ZNF407: variants seen among roughly 807,000 people sequenced by gnomAD.
ZNF407 encodes zinc finger protein 407.
In ZNF407, 17 loss-of-function variants were observed where a neutral mutation model predicts 131.2. The observed-to-expected ratio is 0.13, with a 90% CI of 0.09 to 0.19. ZNF407 has a LOEUF of 0.19. Ranked by LOEUF, ZNF407 falls within the 10% of genes least tolerant of loss-of-function variation. The pLI is 1.00. For synonymous variants in ZNF407, 1,156 were observed against 1,062.0 expected, an observed-to-expected ratio of 1.09 and a Z score of -1.72; for missense variants, 2,681 against 2,830.6, an observed-to-expected ratio of 0.95 and a Z score of 1.20.
chr18:74,685,912 A>G (rs1967086950), intron 3 of ZNF407, among the ~76,000 whole-genome samples: 1 of 152,026 alleles, frequency 6.6e-6, no homozygotes, highest in African/African-American at 2.4e-5. Context: ...TATTGTTTGT[A>G]TTTTTTGTTA....
chr18:74,976,724 A>G (rs1280163782), intron 8 of ZNF407, among the ~76,000 whole-genome samples: 1 of 152,216 alleles, frequency 6.6e-6, no homozygotes, highest in Non-Finnish European at 1.5e-5. Context: ...ACTGAGGCCC[A>G]CTGGAGCCCC....
At position 74,631,245 on chromosome 18, in the gene ZNF407, A is replaced by G. The variant is rs1422130229; in HGVS notation, c.226A>G (p.Arg76Gly). ...CAGAAATAAACATGCTTCCAAACGC[A>G]GGAAATTAGATGAGGCAGAGCCCCT... ...EDRNKHASKRRKLDEAEPLKS... is the reference protein window; with the variant it reads ...EDRNKHASKRGKLDEAEPLKS... Residue 76 changes from arginine (R) to glycine (G), a missense_variant, in exon 2 of 9, where the codon AGG (arginine) becomes GGG (glycine). This residue lies in a region of ZNF407 where 1,789 missense variants were observed against 1,748.7 expected (regional missense o/e 1.02). Coordinates refer to ENST00000299687, the MANE Select transcript of ZNF407 (RefSeq NM_017757.3). 1 of 1,613,854 alleles carries G rather than the reference A, an allele frequency of 6.2e-7. No homozygotes were observed. The highest frequency in any genetic ancestry group is 1.3e-5 in the African/African-American group (1 of 74,922).
At chr18:74,683,034 AGTAT>A (rs1212628018) in intron 3 of ZNF407, among the ~76,000 whole-genome samples, 18 of 152,150 alleles carry the variant, frequency 1.2e-4, no homozygotes, top group African/African-American at 4.3e-4. Context: ...AGCTGTTGTT[AGTAT>A]GTCCTTGCTA....
chr18:74,887,922 T>C (rs1375889475), intron 6 of ZNF407, among the ~76,000 whole-genome samples: 2 of 152,168 alleles, frequency 1.3e-5, no homozygotes, highest in South Asian at 2.1e-4. Flanking sequence ...CCAAATGGGT[T>C]GTGTATGGAT....
At chr18:75,003,003 ACACTTCATGCTTGGTTCTTAG>A in intron 8 of ZNF407, among the ~76,000 whole-genome samples, 1 of 152,252 alleles carries the variant, frequency 6.6e-6, no homozygotes, top group East Asian at 1.9e-4. Context: ...CATCCATATC[ACACTTCATGCTTGGTTCTTAG>A]GACACAGACC....
intron 8 of ZNF407, among the ~76,000 whole-genome samples, chr18:75,019,916 A>G (rs1488498526): frequency 6.6e-6 from 1 of 152,082 alleles, no homozygotes; most frequent in Non-Finnish European, 1.5e-5. Context: ...GCAAGGGGGA[A>G]ATCTGCCCCC....
At chr18:74,861,073 T>G (rs1286361351) in intron 4 of ZNF407, among the ~76,000 whole-genome samples, 1 of 152,172 alleles carries the variant, frequency 6.6e-6, no homozygotes, top group Non-Finnish European at 1.5e-5. Context: ...TTATATGGCC[T>G]GTAATCCTAG....
At position 74,676,467 on chromosome 18, in the gene ZNF407, C is replaced by G. The variant is rs573821103; in HGVS notation, c.4802+35345C>G. Among the ~76,000 whole-genome samples, 569 of 131,782 alleles carry G rather than the reference C, an allele frequency of 4.3e-3. 3 individuals carry two copies. The highest frequency in any genetic ancestry group is 9.6e-3 in the Admixed American group (125 of 12,974). 86.5% of individuals were successfully genotyped at this position (131,782 alleles called of 152,430 possible). A position where few individuals can be genotyped will look rare whatever the true frequency, so the allele number is the denominator to read the frequency against. On this transcript the variant is annotated intron_variant, in intron 3 of 8. Coordinates refer to ENST00000299687, the MANE Select transcript of ZNF407 (RefSeq NM_017757.3). ...TTTTTTTTTTTTTGAGACGGAGTCT[C>G]GCTCTGTCACCCAGGCTGGAGTGCA...
intron 3 of ZNF407, among the ~76,000 whole-genome samples, chr18:74,764,556 A>G (rs1969184918): frequency 6.6e-6 from 1 of 152,246 alleles, no homozygotes; most frequent in East Asian, 1.9e-4. Context: ...ATTAAAAAGC[A>G]ATACAATAGA....
chr18:74,744,546 G>C (rs1968623242), intron 3 of ZNF407, among the ~76,000 whole-genome samples: 1 of 152,054 alleles, frequency 6.6e-6, no homozygotes, highest in Admixed American at 6.6e-5. Context: ...ACACATTTTT[G>C]TTGGTTTTAG....
chr18:74,882,833 A>G (rs1394128959), intron 6 of ZNF407, among the ~76,000 whole-genome samples: 1 of 152,228 alleles, frequency 6.6e-6, no homozygotes, highest in South Asian at 2.1e-4. Flanking sequence ...GGAAACATTT[A>G]TGGTAACAGT....
intron 6 of ZNF407, among the ~76,000 whole-genome samples, chr18:74,888,833 A>G (rs1356704831): frequency 6.6e-6 from 1 of 152,186 alleles, no homozygotes; most frequent in African/African-American, 2.4e-5. Context: ...TTTGTTCAAG[A>G]TACCAGTATG....
chr18:74,939,643 C>T (rs191672036), intron 8 of ZNF407, among the ~76,000 whole-genome samples: 152 of 152,280 alleles, frequency 1.0e-3, no homozygotes, highest in African/African-American at 2.9e-3. Context: ...AAAAGGTTGA[C>T]GGTACCCATT....
At chr18:74,643,765 A>G (rs2144694097) in intron 3 of ZNF407, among the ~76,000 whole-genome samples, 1 of 152,134 alleles carries the variant, frequency 6.6e-6, no homozygotes, top group South Asian at 2.1e-4. Context: ...ATGCTCATCA[A>G]CTGCACGTTT....
chr18:74,877,774 C>G (rs755716910), intron 5 of ZNF407, among the ~76,000 whole-genome samples: 2 of 152,148 alleles, frequency 1.3e-5, no homozygotes, highest in South Asian at 4.1e-4. Context: ...TATGTTTGAA[C>G]ATTAATGAAT....
chr18:74,816,238 G>T (rs753892794), intron 4 of ZNF407, among the ~76,000 whole-genome samples: 7 of 152,142 alleles, frequency 4.6e-5, no homozygotes, highest in Non-Finnish European at 7.4e-5. Flanking sequence ...TGAAAAATTA[G>T]ATATTTCACC....
At position 74,990,213 on chromosome 18, in the gene ZNF407, G is replaced by A. The variant is rs552596156; in HGVS notation, c.5428+69521G>A. Among the ~76,000 whole-genome samples, 336 of 152,222 alleles carry A rather than the reference G, an allele frequency of 2.2e-3. 2 individuals carry two copies. The highest frequency in any genetic ancestry group is 7.3e-3 in the African/African-American group (305 of 41,536). Reference sequence around the variant, plus strand: ...AATATTAAGCATAGAAAAATTAAACGCTCTGTGCAGATGTCAATTAGTTCC... The same window carrying A: ...AATATTAAGCATAGAAAAATTAAACACTCTGTGCAGATGTCAATTAGTTCC... On this transcript the variant is annotated intron_variant, in intron 8 of 8. Coordinates refer to ENST00000299687, the MANE Select transcript of ZNF407 (RefSeq NM_017757.3).
At chr18:74,953,199 G>A (rs1972236081) in intron 8 of ZNF407, among the ~76,000 whole-genome samples, 1 of 152,154 alleles carries the variant, frequency 6.6e-6, no homozygotes, top group African/African-American at 2.4e-5. Context: ...TGGAGGTGAT[G>A]AAAATGGTTG....
intron 8 of ZNF407, among the ~76,000 whole-genome samples, chr18:75,024,351 C>A (rs193170007): frequency 1.4e-4 from 21 of 152,156 alleles, no homozygotes; most frequent in Admixed American, 6.5e-4. Context: ...TAATCCTATC[C>A]TTTAATCACA....
Sources: allele counts gnomAD v4.1 joint callset (sites outside exome capture counted in the v4.1 genomes callset), GRCh38; gene constraint gnomAD v4.1.1; regional missense constraint gnomAD v4.1.1; transcripts MANE v1.5; gene names NCBI Gene and HGNC (gene_info 2026-07-23, HGNC 2026-07-21).